PNPLA7: variants seen among roughly 807,000 people sequenced by gnomAD.
PNPLA7 encodes the protein patatin-like phospholipase domain-containing protein 7.
In PNPLA7, 153 loss-of-function variants were observed where a neutral mutation model predicts 161.7. That is an observed-to-expected ratio of 0.95 (90% CI 0.83 to 1.08). The LOEUF is 1.08. PNPLA7 is among the 50% of genes least tolerant of loss of function. The pLI, the probability that PNPLA7 is intolerant of heterozygous loss-of-function variation, is 0.00. For synonymous variants in PNPLA7, 809 were observed against 782.1 expected (o/e 1.03, Z -0.57); for missense variants, 1,739 against 1,856.6 (o/e 0.94, Z 1.16).
intron 25 of PNPLA7, 102 bp downstream of exon 25, chr9:137,477,932 G>A: frequency 3.0e-6 from 3 of 999,824 alleles, no homozygotes; most frequent in Non-Finnish European, 2.6e-6. Context: ...TCGTCTGCGG[G>A]TGACACCCCC....
rs371719236 is a variant in PNPLA7, at chr9:137,523,370, G to A, written c.748-513C>T. ...GGGAGCGCGCACTGCCGGGTCGCAC[G>A]AGGCCCAGGTGAGGAGCCACAGTGG... On this transcript the variant is annotated intron_variant, in intron 8 of 34. Transcript: ENST00000406427. This position sits in a 1 kb window ranked among gnomAD's most constrained non-coding sequence, Gnocchi z 4.4. Among the ~76,000 whole-genome samples, 23 of 152,162 alleles carry A rather than the reference G, an allele frequency of 1.5e-4. No homozygotes were observed. Among genetic ancestry groups the A allele is most frequent in the South Asian group, 4.1e-4 (2 of 4,826 alleles).
At position 137,547,250 on chromosome 9, in the gene PNPLA7, C is replaced by G; in HGVS notation, c.193+59G>C. 2.6e-6 allele frequency: 4 copies of G among 1,535,980 alleles called. No homozygotes were observed. The highest frequency in any genetic ancestry group is 3.6e-6 in the Non-Finnish European group (4 of 1,110,616). On this transcript the variant is annotated intron_variant, in intron 3 of 34. Coordinates refer to ENST00000406427, the MANE Select transcript of PNPLA7 (RefSeq NM_001098537.3). The surrounding 1 kb of genome is among the most constrained non-coding windows in gnomAD (Gnocchi z 4.6). ...CCCTCCCAGGGGCTCAAAACACATCCCAAGACACCCACGCTTTCCCCCAAC... is the reference window on the plus strand; with the variant it reads ...CCCTCCCAGGGGCTCAAAACACATCGCAAGACACCCACGCTTTCCCCCAAC...
Position 137,500,535 on chromosome 9 carries a change from A to G in PNPLA7, c.1757+156T>C, listed in dbSNP as rs1422774190. On this transcript the variant is annotated intron_variant, in intron 16 of 34. Coordinates refer to ENST00000406427, the MANE Select transcript of PNPLA7 (RefSeq NM_001098537.3). The surrounding 1 kb of genome is among the most constrained non-coding windows in gnomAD (Gnocchi z 5.5). ...CTGACTGAGCGCTGGAGCAGGGGGC[A>G]CAGACCTGGGCCCACACAGGTGCCG... Among the ~76,000 whole-genome samples the G allele has an allele frequency of 1.3e-5, 2 of 151,970 alleles. No individual in the cohort carries two copies. Among genetic ancestry groups the G allele is most frequent in the Non-Finnish European group, 2.9e-5 (2 of 67,970 alleles).
chr9:137,512,934 G>C (rs537232322), intron 12 of PNPLA7, among the ~76,000 whole-genome samples: 16 of 149,520 alleles, frequency 1.1e-4, no homozygotes, highest in African/African-American at 4.0e-4. Flanking sequence ...CTGCACTCTA[G>C]CCTGGGCCAC....
At chr9:137,480,659 A>C in intron 22 of PNPLA7, 179 bp from the exon 23 acceptor site, 1 of 772,972 alleles carries the variant, frequency 1.3e-6, no homozygotes, top group Non-Finnish European at 2.0e-6. Context: ...GCAGTCACGC[A>C]GAGGCTGCAG....
In PNPLA7 at chr9:137,519,117, A is replaced by C. The variant is rs145878366; in HGVS notation, c.1084+800T>G. 3.0e-3 allele frequency among the ~76,000 whole-genome samples: 449 copies of C among 152,182 alleles called. 4 individuals are homozygous for C. Among genetic ancestry groups the C allele is most frequent in the East Asian group, 3.9e-3 (20 of 5,180 alleles). ...TCACTCACTCCACTCTGCTCACTCC[A>C]TTCTCTCCTCACTCTCATCAGCATT... On this transcript the variant is annotated intron_variant, in intron 11 of 34. Coordinates refer to ENST00000406427, the MANE Select transcript of PNPLA7 (RefSeq NM_001098537.3).
In PNPLA7 at chr9:137,478,713, T is replaced by C. The variant is rs1832057104; in HGVS notation, c.2763+343A>G. 3 of 239,590 alleles carry C rather than the reference T, an allele frequency of 1.3e-5. No homozygotes were observed. The South Asian group carries it at 2.3e-4, about 19-fold the overall frequency. 14.8% of individuals were successfully genotyped at this position (239,590 alleles called of 1,614,324 possible). On this transcript the variant is annotated intron_variant, in intron 24 of 34. Coordinates refer to ENST00000406427, the MANE Select transcript of PNPLA7 (RefSeq NM_001098537.3). The stretch of plus-strand genomic sequence containing the variant: ...GCCTCAGCCCTGAGCAGCCCTGACA[T>C]GAGGCCCATCCCCCAGGGTTCACTG...
chr9:137,540,720 G>T lies in PNPLA7; in HGVS notation c.669C>A (p.Asp223Glu). 6.2e-7 allele frequency: 1 copy of T among 1,608,452 alleles called. No homozygotes were observed. The highest frequency in any genetic ancestry group is 8.5e-7 in the Non-Finnish European group (1 of 1,177,730). ...GRLEVCIQDT[D>E]GTEVVVKEVL... Reference sequence around the variant, plus strand: ...CCTCTTTCACCACCACCTCGGTGCCGTCCTGCGCTTGGAGAGCAGAGTGGG... The same window carrying T: ...CCTCTTTCACCACCACCTCGGTGCCTTCCTGCGCTTGGAGAGCAGAGTGGG... The change falls in exon 8 of 35, where the codon GAC (aspartate) becomes GAA (glutamate). Residue 223 changes from aspartate (D) to glutamate (E), a missense_variant and splice_region_variant. Asp to Glu is a conservative substitution (Grantham distance 45). Around this residue, in one of 6 missense-constraint regions of PNPLA7, gnomAD observed 152 missense variants for 193.5 expected, o/e 0.79. Transcript: ENST00000406427. This position sits in a 1 kb window ranked among gnomAD's most constrained non-coding sequence, Gnocchi z 5.1.
chr9:137,509,528 G>A, intron 12 of PNPLA7: 1 of 267,838 alleles, frequency 3.7e-6, no homozygotes. Flanking sequence ...GCATGAGTGA[G>A]TTTAGCTGGT....
In PNPLA7 at chr9:137,491,170, G is replaced by GA. The variant is rs533485590; in HGVS notation, c.2197+1842dup. ...GCTACTCAGGAGGCTGAGGGGGGGGGAATCACTTGACCCCAGGAGTTAGAG... is the reference window on the plus strand; with the variant it reads ...GCTACTCAGGAGGCTGAGGGGGGGGGAAATCACTTGACCCCAGGAGTTAGAG... On this transcript the variant is annotated intron_variant, in intron 20 of 34. Transcript: ENST00000406427. Among the ~76,000 whole-genome samples the GA allele has an allele frequency of 1.8e-4, 27 of 152,246 alleles. No individual in the cohort carries two copies. In the South Asian group the frequency reaches 4.8e-3, roughly 27 times the overall value.
Position 137,497,324 on chromosome 9 carries a change from A to C in PNPLA7, c.1890-14T>G. 6.5e-7 allele frequency: 1 copy of C among 1,543,090 alleles called. No homozygotes were observed. Among genetic ancestry groups the C allele is most frequent in the East Asian group, 2.5e-5 (1 of 39,606 alleles). ...TTGTCCCCCTGCCTGCGGAAGACAC[A>C]GAGGCCCTGCAGCCCTGGGCCCCCA... is the stretch of plus-strand genomic sequence containing the variant. On this transcript the variant is annotated splice_polypyrimidine_tract_variant and intron_variant, in intron 17 of 34. Transcript: ENST00000406427.
At chr9:137,528,707 T>A (rs966579637) in intron 8 of PNPLA7, among the ~76,000 whole-genome samples, 148 of 142,150 alleles carry the variant, frequency 1.0e-3, no homozygotes, top group Non-Finnish European at 1.7e-3. Context: ...TCTTCCAGCC[T>A]TTTTTTTTTT....
chr9:137,517,664 G>A (rs373672241), intron 11 of PNPLA7, among the ~76,000 whole-genome samples: 1 of 63,374 alleles, frequency 1.6e-5, no homozygotes, highest in Admixed American at 1.4e-4. Context: ...ACTCCACTCT[G>A]TCCACTCCAT....
chr9:137,479,839 G>A (rs1052078766), intron 23 of PNPLA7: 39 of 985,448 alleles, frequency 4.0e-5, no homozygotes, highest in African/African-American at 2.1e-4. Context: ...CCAGCGTCCC[G>A]AAGGTGCCTG....
At chr9:137,548,656 G>A (rs1310653573) in intron 1 of PNPLA7, among the ~76,000 whole-genome samples, 2 of 152,232 alleles carry the variant, frequency 1.3e-5, no homozygotes, top group South Asian at 2.1e-4. Context: ...GCTGAGGCAG[G>A]AGAATGGCGT....
chr9:137,522,984 C>T, intron 8 of PNPLA7, 127 bp from the exon 9 acceptor site: 1 of 1,344,580 alleles, frequency 7.4e-7, no homozygotes, highest in Admixed American at 2.2e-5. Context: ...ATTCTCCCTC[C>T]CAGGCTGGGC....
intron 25 of PNPLA7, among the ~76,000 whole-genome samples, chr9:137,470,402 T>C (rs1415868253): frequency 6.6e-6 from 1 of 151,324 alleles, no homozygotes; most frequent in African/African-American, 2.4e-5. Flanking sequence ...GATATGAAAC[T>C]TTCTTTGTGG....
intron 21 of PNPLA7, among the ~76,000 whole-genome samples, chr9:137,482,733 G>A (rs1019109296): frequency 3.3e-5 from 5 of 152,392 alleles, no homozygotes; most frequent in Admixed American, 1.3e-4. Flanking sequence ...TACAGATGGC[G>A]TAAACGCCAA....
chr9:137,530,673 C>T (rs957816848), intron 8 of PNPLA7, among the ~76,000 whole-genome samples: 39 of 152,312 alleles, frequency 2.6e-4, no homozygotes, highest in African/African-American at 9.1e-4. Flanking sequence ...TACCTTGCCA[C>T]AGCAGAACTG....
Sources: gnomAD v4.1 joint callset for allele counts (sites outside exome capture counted in the v4.1 genomes callset) on GRCh38, gnomAD v4.1.1 for gene constraint, gnomAD v4.1.1 regional missense constraint, Gnocchi (gnomAD v3.1) non-coding constraint, MANE v1.5 for transcripts, NCBI Gene and HGNC (gene_info 2026-07-23, HGNC 2026-07-21) for gene names.